The following SSBP2 variants were observed in gnomAD, a reference collection of about 807,000 sequenced individuals.
SSBP2 encodes the protein single stranded DNA binding protein 2, also known as single-stranded DNA-binding protein 2.
SSBP2 carries 17 observed loss-of-function variants against 61.8 expected under a neutral mutation model. The observed-to-expected ratio is 0.28, with a 90% confidence interval of 0.19 to 0.41. The LOEUF (loss-of-function observed/expected upper bound fraction) is 0.41, where lower values mean the gene tolerates loss of function less well. Ranked by LOEUF, SSBP2 falls within the 10% of genes least tolerant of loss-of-function variation. The pLI is 1.00. For missense variants in SSBP2, 310 were observed against 458.7 expected (o/e 0.68, Z 2.96); for synonymous variants, 139 against 141.3 (o/e 0.98, Z 0.12).
chr5:81,705,930 G>A (rs1274808220), intron 1 of SSBP2, among the ~76,000 whole-genome samples: 1 of 152,130 alleles, frequency 6.6e-6, no homozygotes, highest in African/African-American at 2.4e-5. Flanking sequence ...GTGGAAAGCA[G>A]TTTGAAGATT....
At chr5:81,656,714 TGTAA>T (rs1221673762) in intron 1 of SSBP2, among the ~76,000 whole-genome samples, 1 of 146,384 alleles carries the variant, frequency 6.8e-6, no homozygotes, top group Non-Finnish European at 1.5e-5. Flanking sequence ...ACACATGGCC[TGTAA>T]GTAACTCCAA....
At chr5:81,441,809 G>A (rs570195174) in intron 13 of SSBP2, among the ~76,000 whole-genome samples, 1 of 152,196 alleles carries the variant, frequency 6.6e-6, no homozygotes, top group East Asian at 1.9e-4. Context: ...CTGATATAAG[G>A]CATATATAAG....
At chr5:81,557,582 T>C (rs2153398424) in intron 4 of SSBP2, among the ~76,000 whole-genome samples, 1 of 152,294 alleles carries the variant, frequency 6.6e-6, no homozygotes, top group Admixed American at 6.5e-5. Flanking sequence ...TTTTGGACAG[T>C]TTCTATTGCT....
Position 81,615,516 on chromosome 5 carries a change from T to C in SSBP2, c.239A>G (p.Glu80Gly). ...TGCTTCACTTGAGTGTTCACATGTT[T>C]CACGTCTCTCTGGAGCTGCACAGTA... The change falls in exon 4 of 17, where the codon GAA becomes GGA. Residue 80 changes from glutamate to glycine, a missense_variant. Glu to Gly is a moderately conservative substitution (Grantham distance 98). Coordinates refer to ENST00000320672, the MANE Select transcript of SSBP2 (RefSeq NM_012446.5). 2 of 1,613,820 alleles carry C rather than the reference T, an allele frequency of 1.2e-6. No homozygotes were observed. Among genetic ancestry groups the C allele is most frequent in the Non-Finnish European group, 1.7e-6 (2 of 1,179,844 alleles).
intron 1 of SSBP2, among the ~76,000 whole-genome samples, chr5:81,662,382 G>A (rs568224198): frequency 2.0e-5 from 3 of 152,076 alleles, no homozygotes; most frequent in African/African-American, 7.2e-5. Flanking sequence ...CAGAAGAATC[G>A]CTTGAACCTG....
intron 1 of SSBP2, among the ~76,000 whole-genome samples, chr5:81,653,993 G>T (rs978139502): frequency 7.1e-5 from 9 of 126,790 alleles, no homozygotes; most frequent in African/African-American, 2.2e-4. Context: ...GGTGTTTTTT[G>T]TTTTGTTTTT....
At chr5:81,695,353 A>AT (rs1753522360) in intron 1 of SSBP2, among the ~76,000 whole-genome samples, 2 of 152,148 alleles carry the variant, frequency 1.3e-5, no homozygotes, top group South Asian at 2.1e-4. Flanking sequence ...TCTTTCAAGG[A>AT]TTTTTTATTA....
At chr5:81,641,699 A>C (rs1190294502) in intron 2 of SSBP2, among the ~76,000 whole-genome samples, 2 of 152,196 alleles carry the variant, frequency 1.3e-5, no homozygotes, top group Non-Finnish European at 2.9e-5. Context: ...AACCACATTC[A>C]CTGTAGTATT....
In SSBP2 at chr5:81,440,560, A is replaced by G; in HGVS notation, c.926T>C (p.Leu309Ser). The change falls in exon 14 of 17, where the codon TTA becomes TCA. Residue 309 changes from leucine to serine, a missense_variant and splice_region_variant. Transcript: ENST00000320672. The stretch of plus-strand genomic sequence containing the variant: ...AACATCAAATTGAAAAGCCTTACCT[A>G]AAGAGCCATTCATGTGATGTGACTC... 1.9e-6 allele frequency: 3 copies of G among 1,612,490 alleles called. No individual in the cohort carries two copies. The highest frequency in any genetic ancestry group is 1.1e-5 in the South Asian group (1 of 91,030).
intron 4 of SSBP2, among the ~76,000 whole-genome samples, chr5:81,533,057 TAC>T (rs1255966093): frequency 6.6e-6 from 1 of 151,978 alleles, no homozygotes; most frequent in Non-Finnish European, 1.5e-5. Context: ...TACAAAATAC[TAC>T]ACTCATAAAT....
chr5:81,716,464 A>G (rs1755179474), intron 1 of SSBP2, among the ~76,000 whole-genome samples: 1 of 152,222 alleles, frequency 6.6e-6, no homozygotes, highest in African/African-American at 2.4e-5. Flanking sequence ...AAAGAAACCA[A>G]GAATTAAGAA....
At chr5:81,683,649 A>G (rs1752565767) in intron 1 of SSBP2, among the ~76,000 whole-genome samples, 1 of 152,170 alleles carries the variant, frequency 6.6e-6, no homozygotes, top group African/African-American at 2.4e-5. Flanking sequence ...AAAATTAAAA[A>G]CTGTGTGAAA....
At chr5:81,508,504 T>A (rs1438833382) in intron 5 of SSBP2, among the ~76,000 whole-genome samples, 1 of 152,180 alleles carries the variant, frequency 6.6e-6, no homozygotes, top group Non-Finnish European at 1.5e-5. Context: ...AGAGGCTCTC[T>A]CATTTCAATA....
At chr5:81,626,905 A>G (rs1189048312) in intron 3 of SSBP2, among the ~76,000 whole-genome samples, 1 of 152,228 alleles carries the variant, frequency 6.6e-6, no homozygotes, top group Non-Finnish European at 1.5e-5. Flanking sequence ...ACTGGTTACA[A>G]TTCAGGAACT....
intron 1 of SSBP2, among the ~76,000 whole-genome samples, chr5:81,709,500 T>G (rs1222364005): frequency 6.6e-6 from 1 of 151,958 alleles, no homozygotes; most frequent in Non-Finnish European, 1.5e-5. Context: ...AATCACAATT[T>G]ATAGCATATC....
chr5:81,598,402 T>G (rs377011662), intron 4 of SSBP2, among the ~76,000 whole-genome samples: 2 of 152,112 alleles, frequency 1.3e-5, no homozygotes, highest in African/African-American at 2.4e-5. Flanking sequence ...ATAAGAAATA[T>G]AGAAGAATCA....
chr5:81,632,024 T>C (rs388560), intron 3 of SSBP2, among the ~76,000 whole-genome samples: 37,088 of 152,098 alleles, frequency 0.24, 6,010 homozygotes, highest in East Asian at 0.69. Flanking sequence ...CCTCTACTTA[T>C]AAGTAATGGA....
intron 4 of SSBP2, among the ~76,000 whole-genome samples, chr5:81,537,664 T>C (rs906823170): frequency 2.6e-5 from 4 of 152,180 alleles, no homozygotes; most frequent in East Asian, 3.9e-4. Context: ...TTTATCATTA[T>C]ATCTGTTACG....
intron 7 of SSBP2, 114 bp downstream of exon 7, chr5:81,474,382 G>C: frequency 1.2e-6 from 1 of 849,160 alleles, no homozygotes; most frequent in Non-Finnish European, 1.9e-6. Flanking sequence ...TTAGAAAAAT[G>C]CAACTGGTAT....
Sources: allele counts gnomAD v4.1 joint callset (sites outside exome capture counted in the v4.1 genomes callset), GRCh38; gene constraint gnomAD v4.1.1; transcripts MANE v1.5; gene names NCBI Gene and HGNC (gene_info 2026-07-23, HGNC 2026-07-21).